The following LDLRAD4 variants were observed in gnomAD, a reference collection of about 807,000 sequenced individuals.
LDLRAD4 encodes the protein low-density lipoprotein receptor class A domain-containing protein 4.
LDLRAD4 carries 5 observed loss-of-function variants against 17.0 expected under a neutral mutation model. The observed-to-expected ratio is 0.29, with a 90% CI of 0.15 to 0.62. LDLRAD4 has a LOEUF of 0.62. Among genes scored for constraint, LDLRAD4 ranks in the 20% least tolerant of loss-of-function variants. The pLI is 0.84. For synonymous variants in LDLRAD4, 168 were observed against 171.8 expected (o/e 0.98, Z 0.17); for missense variants, 340 against 424.7 (o/e 0.80, Z 1.75).
chr18:13,346,930 C>A (rs2082726926), intron 1 of LDLRAD4, among the ~76,000 whole-genome samples: 1 of 152,172 alleles, frequency 6.6e-6, no homozygotes, highest in South Asian at 2.1e-4. Context: ...CTTGGTAGAT[C>A]TTCCTCCATC....
intron 1 of LDLRAD4, among the ~76,000 whole-genome samples, chr18:13,346,767 T>C (rs1198454445): frequency 6.6e-6 from 1 of 152,208 alleles, no homozygotes; most frequent in Non-Finnish European, 1.5e-5. Flanking sequence ...GCTCCTGTAT[T>C]GGGTGCATAT....
intron 3 of LDLRAD4, among the ~76,000 whole-genome samples, chr18:13,590,043 G>C (rs559407244): frequency 6.6e-6 from 1 of 151,502 alleles, no homozygotes; most frequent in East Asian, 2.0e-4. Context: ...GCATGTGTGT[G>C]AGTGTGCATG....
At chr18:13,306,932 A>C (rs891823609) in intron 1 of LDLRAD4, among the ~76,000 whole-genome samples, 1 of 152,210 alleles carries the variant, frequency 6.6e-6, no homozygotes, top group Non-Finnish European at 1.5e-5. Context: ...GGACGACTTA[A>C]TGGAGATAAG....
intron 1 of LDLRAD4, among the ~76,000 whole-genome samples, chr18:13,265,152 C>A (rs1320884017): frequency 6.6e-6 from 1 of 152,192 alleles, no homozygotes; most frequent in African/African-American, 2.4e-5. Context: ...CTCAACATTT[C>A]TTGCCTGGAC....
rs181326162 is a variant in LDLRAD4, at chr18:13,264,469, A to G, written c.-466-13636A>G. Among the ~76,000 whole-genome samples the G allele has an allele frequency of 2.4e-4, 37 of 152,388 alleles. 1 individual carries two copies. Among genetic ancestry groups the G allele is most frequent in the African/African-American group, 8.4e-4 (35 of 41,594 alleles). On this transcript the variant is annotated intron_variant, in intron 1 of 5. Transcript: ENST00000399848. ...TTTCTGAAGTATTCACCATCATTCA[A>G]TTCCACAGTGTCCCTTTATGAGTTT...
At chr18:13,389,844 G>C (rs1430839836) in intron 2 of LDLRAD4, among the ~76,000 whole-genome samples, 1 of 152,178 alleles carries the variant, frequency 6.6e-6, no homozygotes, top group Non-Finnish European at 1.5e-5. Flanking sequence ...GTTCTGCCTG[G>C]AGGATTCTTG....
At chr18:13,556,662 A>G (rs1324937406) in intron 3 of LDLRAD4, among the ~76,000 whole-genome samples, 2 of 152,186 alleles carry the variant, frequency 1.3e-5, no homozygotes, top group East Asian at 3.9e-4. Context: ...AGGGAAAGGG[A>G]GTGTCCATGG....
chr18:13,506,091 G>A (rs2093688242), intron 3 of LDLRAD4, among the ~76,000 whole-genome samples: 1 of 152,028 alleles, frequency 6.6e-6, no homozygotes, highest in African/African-American at 2.4e-5. Flanking sequence ...TTGTTTCCTG[G>A]CATTGCTTCC....
chr18:13,514,662 G>T (rs2093835938), intron 3 of LDLRAD4: 1 of 152,200 alleles, frequency 6.6e-6, no homozygotes, highest in South Asian at 2.1e-4. Context: ...TAAAGAAGCC[G>T]TGGGTTCGCT....
intron 2 of LDLRAD4, among the ~76,000 whole-genome samples, chr18:13,415,461 G>A (rs1211037894): frequency 6.6e-6 from 1 of 152,140 alleles, no homozygotes; most frequent in Non-Finnish European, 1.5e-5. Context: ...CCAAGGCCCC[G>A]GCTACTCTAG....
rs564122888 is a variant in LDLRAD4 at position 13,265,937 on chromosome 18, C to T, written c.-466-12168C>T. ...CCTCCCACCCCTGAGCACTCAGCCT[C>T]CTCCTCACCCCCACGTGGATCTGCT... On this transcript the variant is annotated intron_variant, in intron 1 of 5. Coordinates refer to the LDLRAD4 transcript ENST00000399848. 1.3e-4 allele frequency among the ~76,000 whole-genome samples: 20 copies of T among 152,270 alleles called. No individual in the cohort carries two copies. The South Asian group carries it at 2.1e-3, about 16-fold the overall frequency.
At chr18:13,441,417 A>G (rs2091014075) in intron 3 of LDLRAD4, among the ~76,000 whole-genome samples, 1 of 152,220 alleles carries the variant, frequency 6.6e-6, no homozygotes, top group Non-Finnish European at 1.5e-5. Flanking sequence ...ATGAAGTGCC[A>G]TGCTTCAGAA....
rs549400767 is a variant in LDLRAD4, at chr18:13,624,054, A to G, written c.336+2783A>G. Among the ~76,000 whole-genome samples the G allele has an allele frequency of 3.9e-5, 6 of 152,336 alleles. No individual in the cohort carries two copies. The East Asian group carries it at 5.8e-4, about 15-fold the overall frequency. On this transcript the variant is annotated intron_variant, in intron 4 of 5. Transcript: ENST00000359446. ...CCTACAGTACGCGGGCGGCCCTGCA[A>G]CAAAGACTCATCTGTACAGTGCGTC...
chr18:13,439,786 G>C (rs1320796702), intron 3 of LDLRAD4, among the ~76,000 whole-genome samples: 3 of 152,206 alleles, frequency 2.0e-5, no homozygotes, highest in African/African-American at 7.2e-5. Flanking sequence ...ACCTCCCTGA[G>C]GATGAGCAGG....
intron 1 of LDLRAD4, among the ~76,000 whole-genome samples, chr18:13,382,027 G>A (rs923528836): frequency 1.4e-4 from 22 of 152,366 alleles, no homozygotes; most frequent in East Asian, 1.3e-3. Flanking sequence ...GGCCCTGAGC[G>A]TCTGTGGGGC....
intron 3 of LDLRAD4, among the ~76,000 whole-genome samples, chr18:13,499,735 A>G (rs1182988876): frequency 6.6e-6 from 1 of 151,874 alleles, no homozygotes; most frequent in African/African-American, 2.4e-5. Context: ...ACACTGGAGA[A>G]TCCTTTTTGC....
At chr18:13,294,324 CG>C (rs1423360509) in intron 1 of LDLRAD4, among the ~76,000 whole-genome samples, 1 of 152,228 alleles carries the variant, frequency 6.6e-6, no homozygotes, top group African/African-American at 2.4e-5. Flanking sequence ...GTCAGACAGA[CG>C]GCCCAGCCGG....
intron 3 of LDLRAD4, among the ~76,000 whole-genome samples, chr18:13,467,780 A>G (rs2092664439): frequency 6.6e-6 from 1 of 152,248 alleles, no homozygotes; most frequent in African/African-American, 2.4e-5. Context: ...CGTGGACTTC[A>G]GGATAGATGC....
chr18:13,252,925 G>T (rs2043302337), intron 1 of LDLRAD4, among the ~76,000 whole-genome samples: 1 of 152,160 alleles, frequency 6.6e-6, no homozygotes, highest in Non-Finnish European at 1.5e-5. Flanking sequence ...TTGTTTTGCT[G>T]GTTTTCCAGA....
Sources: allele counts gnomAD v4.1 joint callset (sites outside exome capture counted in the v4.1 genomes callset), GRCh38; gene constraint gnomAD v4.1.1; transcripts MANE v1.5; gene names NCBI Gene and HGNC (gene_info 2026-07-23, HGNC 2026-07-21).